B3GNT2: variants seen among roughly 807,000 people sequenced by gnomAD.
B3GNT2 encodes the protein UDP-GlcNAc:betaGal beta-1,3-N-acetylglucosaminyltransferase 2.
B3GNT2 carries 12 observed loss-of-function variants against 27.6 expected under a neutral mutation model. The ratio of observed to expected loss-of-function variants is 0.44; its 90% CI spans 0.28 to 0.71. The LOEUF (loss-of-function observed/expected upper bound fraction) is 0.71, where lower values mean the gene tolerates loss of function less well. Among genes scored for constraint, B3GNT2 ranks in the 30% least tolerant of loss-of-function variants. The probability of loss-of-function intolerance (pLI) is 0.17; values close to 1 mark genes in which losing one functional copy is unlikely to be tolerated. For synonymous variants in B3GNT2, 192 were observed against 189.7 expected (o/e 1.01, Z -0.10); for missense variants, 413 against 488.5 (o/e 0.85, Z 1.46).
intron 1 of B3GNT2, among the ~76,000 whole-genome samples, chr2:62,216,199 G>T (rs551439554): frequency 6.6e-6 from 1 of 152,112 alleles, no homozygotes; most frequent in Non-Finnish European, 1.5e-5. Flanking sequence ...TAGGGTCATT[G>T]GGTTCAGGGA....
chr2:62,223,445 G>A lies in B3GNT2; in HGVS notation c.*31G>A, dbSNP rs1191045871. 1 of 1,520,628 alleles carries A rather than the reference G, an allele frequency of 6.6e-7. No individual in the cohort carries two copies. The highest frequency in any genetic ancestry group is 1.2e-5 in the South Asian group (1 of 82,158). 94.2% of individuals were successfully genotyped at this position (1,520,628 alleles called of 1,614,324 possible). A position where few individuals can be genotyped will look rare whatever the true frequency, so the allele number is the denominator to read the frequency against. ...ATACAAACTCAATTTTGCATAGAAA[G>A]GTGTATTTTGAATAGTTCCCATGTT... On this transcript the variant is annotated 3_prime_UTR_variant, in exon 2 of 2. Coordinates refer to ENST00000301998, the MANE Select transcript of B3GNT2 (RefSeq NM_006577.6).
At chr2:62,214,408 A>G (rs1674533306) in intron 1 of B3GNT2, among the ~76,000 whole-genome samples, 1 of 152,250 alleles carries the variant, frequency 6.6e-6, no homozygotes. Context: ...GAATGCGCAG[A>G]GCAGGAAGCA....
In B3GNT2 at chr2:62,223,078, G is replaced by A. The variant is rs1674750915; in HGVS notation, c.858G>A (p.Lys286=). Residue 286 remains lysine (K), a synonymous_variant, in exon 2 of 2, where the codon AAG becomes AAA. Coordinates refer to ENST00000301998, the MANE Select transcript of B3GNT2 (RefSeq NM_006577.6). ...IHNAGPHRDK[K]LKYYIPEVVY... is the part of the protein sequence containing the mutation. ...ATGCTGGACCTCATCGGGATAAGAA[G>A]CTGAAGTACTACATCCCAGAAGTTG... The A allele has an allele frequency of 6.2e-7, 1 of 1,614,224 alleles. No homozygotes were observed.
chr2:62,202,031 C>G (rs1674275229), intron 1 of B3GNT2, among the ~76,000 whole-genome samples: 1 of 152,220 alleles, frequency 6.6e-6, no homozygotes. Flanking sequence ...CAGTAGCCAA[C>G]ACGGAAAACC....
intron 1 of B3GNT2, among the ~76,000 whole-genome samples, chr2:62,219,038 A>C (rs1674631125): frequency 6.6e-6 from 1 of 152,246 alleles, no homozygotes; most frequent in Non-Finnish European, 1.5e-5. Flanking sequence ...AGAGGCTTCA[A>C]GTGGTTATGG....
chr2:62,202,028 C>T (rs1424608578), intron 1 of B3GNT2, among the ~76,000 whole-genome samples: 1 of 152,192 alleles, frequency 6.6e-6, no homozygotes, highest in Admixed American at 6.5e-5. Flanking sequence ...TTACAGTAGC[C>T]AACACGGAAA....
intron 1 of B3GNT2, among the ~76,000 whole-genome samples, chr2:62,213,138 T>G (rs1674511322): frequency 6.6e-6 from 1 of 152,132 alleles, no homozygotes; most frequent in Admixed American, 6.5e-5. Context: ...TGAGGAGACC[T>G]CGTCTCTACA....
At chr2:62,210,008 G>A (rs917132444) in intron 1 of B3GNT2, among the ~76,000 whole-genome samples, 4 of 152,092 alleles carry the variant, frequency 2.6e-5, no homozygotes, top group Admixed American at 6.5e-5. Context: ...TTAAACCATT[G>A]GGTGATTCCC....
Position 62,198,978 on chromosome 2 carries a change from C to G in B3GNT2, c.-10+2623C>G, listed in dbSNP as rs564822000. ...TTTTTTGAAATGGAGTCTCACTCTC[C>G]CGCCCAGGCTGGAGTGCAGTGGTGC... On this transcript the variant is annotated intron_variant, in intron 1 of 1. Coordinates refer to ENST00000301998, the MANE Select transcript of B3GNT2 (RefSeq NM_006577.6). Among the ~76,000 whole-genome samples the G allele has an allele frequency of 2.3e-4, 35 of 152,146 alleles. 1 individual carries two copies. The South Asian group carries it at 7.1e-3, about 31-fold the overall frequency.
chr2:62,215,194 C>T lies in B3GNT2; in HGVS notation c.-9-7018C>T, dbSNP rs77004263. ...TAGGTGAGTAGATTCATTATAAATACGTTTCCCTTTTAATTTGAACATGAA... is the reference window on the plus strand; with the variant it reads ...TAGGTGAGTAGATTCATTATAAATATGTTTCCCTTTTAATTTGAACATGAA... On this transcript the variant is annotated intron_variant, in intron 1 of 1. Coordinates refer to ENST00000301998, the MANE Select transcript of B3GNT2 (RefSeq NM_006577.6). Among the ~76,000 whole-genome samples, 585 of 152,250 alleles carry T rather than the reference C, an allele frequency of 3.8e-3. 9 individuals are homozygous for T. The highest frequency in any genetic ancestry group is 0.013 in the African/African-American group (554 of 41,534).
intron 1 of B3GNT2, among the ~76,000 whole-genome samples, chr2:62,210,764 A>G (rs931404652): frequency 6.9e-6 from 1 of 145,550 alleles, no homozygotes; most frequent in South Asian, 2.2e-4. Flanking sequence ...GCAAGACTCC[A>G]TCTCAAAAAA....
chr2:62,216,434 C>A (rs1399418681), intron 1 of B3GNT2, among the ~76,000 whole-genome samples: 1 of 150,644 alleles, frequency 6.6e-6, no homozygotes, highest in Admixed American at 6.6e-5. Flanking sequence ...GAGATAGGGT[C>A]TCACTCTGTC....
chr2:62,222,835 C>T lies in B3GNT2; in HGVS notation c.615C>T (p.His205=), dbSNP rs781560989. Residue 205 remains histidine, a synonymous_variant, in exon 2 of 2, where the codon CAC becomes CAT. Transcript: ENST00000301998. The surrounding 1 kb of genome is among the most constrained non-coding windows in gnomAD (Gnocchi z 4.2). ...TGCTGAAATTTGAGAGTGAGAAGCA[C>T]CAAGACATTCTTATGTGGAACTACA... ...SDMLKFESEK[H]QDILMWNYRD... is the part of the protein sequence containing the mutation. 2.5e-6 allele frequency: 4 copies of T among 1,614,042 alleles called. No individual in the cohort carries two copies. In the Admixed American group the frequency reaches 6.7e-5, roughly 27 times the overall value.
chr2:62,207,770 C>A (rs962568443), intron 1 of B3GNT2, among the ~76,000 whole-genome samples: 2 of 152,154 alleles, frequency 1.3e-5, no homozygotes, highest in African/African-American at 2.4e-5. Flanking sequence ...GCAGGCCTGC[C>A]CACCACTGCT....
chr2:62,207,661 C>T (rs924089449), intron 1 of B3GNT2, among the ~76,000 whole-genome samples: 3 of 152,170 alleles, frequency 2.0e-5, no homozygotes, highest in Admixed American at 1.3e-4. Flanking sequence ...AGCATGCAAC[C>T]TAGATCCTTG....
intron 1 of B3GNT2, among the ~76,000 whole-genome samples, chr2:62,212,152 G>T (rs1476885439): frequency 2.0e-5 from 3 of 152,168 alleles, no homozygotes; most frequent in African/African-American, 7.2e-5. Flanking sequence ...TAAGTAGAGG[G>T]CTCTGAAGGG....
Position 62,221,328 on chromosome 2 carries a change from G to T in B3GNT2, c.-9-884G>T, listed in dbSNP as rs183206139. 9.8e-5 allele frequency among the ~76,000 whole-genome samples: 15 copies of T among 152,344 alleles called. No individual in the cohort carries two copies. In the East Asian group the frequency reaches 2.5e-3, roughly 25 times the overall value. On this transcript the variant is annotated intron_variant, in intron 1 of 1. Transcript: ENST00000301998. The stretch of plus-strand genomic sequence containing the variant: ...TTCTGTTGATATTGGGCTGTTGCCA[G>T]TTCTTGGCTATTGGGATAAAGCTGT...
At chr2:62,220,755 C>T (rs1255350348) in intron 1 of B3GNT2, among the ~76,000 whole-genome samples, 1 of 152,052 alleles carries the variant, frequency 6.6e-6, no homozygotes, top group East Asian at 1.9e-4. Context: ...ATAAGAAAAT[C>T]TTCAGCTCTT....
At chr2:62,203,099 C>T (rs1674301837) in intron 1 of B3GNT2, among the ~76,000 whole-genome samples, 1 of 152,202 alleles carries the variant, frequency 6.6e-6, no homozygotes, top group Non-Finnish European at 1.5e-5. Context: ...TTCTTTGCTG[C>T]CTGTTTTCAA....
Sources: gnomAD v4.1 joint callset for allele counts (sites outside exome capture counted in the v4.1 genomes callset) on GRCh38, gnomAD v4.1.1 for gene constraint, Gnocchi (gnomAD v3.1) non-coding constraint, MANE v1.5 for transcripts, NCBI Gene and HGNC (gene_info 2026-07-23, HGNC 2026-07-21) for gene names.